Variants in TRAF3IP1 observed in about 807,000 individuals in gnomAD.
TRAF3IP1 encodes intraflagellar transport 54, also known as TRAF3-interacting protein 1.
A neutral mutation model predicts 89.9 loss-of-function variants in TRAF3IP1; 53 were observed. The ratio of observed to expected loss-of-function variants is 0.59; its 90% CI spans 0.47 to 0.74. The LOEUF (loss-of-function observed/expected upper bound fraction) is 0.74, where lower values mean the gene tolerates loss of function less well. TRAF3IP1 is among the 30% of genes least tolerant of loss of function. The pLI is 0.00. For synonymous variants in TRAF3IP1, 311 were observed against 322.1 expected (o/e 0.97, Z 0.37); for missense variants, 806 against 866.1 (o/e 0.93, Z 0.87).
rs1420507039 is a variant in TRAF3IP1 at position 238,328,845 on chromosome 2, C to T, written c.498+16C>T. 3 of 1,602,478 alleles carry T rather than the reference C, an allele frequency of 1.9e-6. No individual in the cohort carries two copies. Among genetic ancestry groups the T allele is most frequent in the African/African-American group, 1.3e-5 (1 of 74,420 alleles). On this transcript the variant is annotated intron_variant, in intron 4 of 16. Transcript: ENST00000373327. ...AAATACAGAGGTGAATTCCAAGTCG[C>T]ACATCTTTGAAAATGAAATAGTGAG...
intron 14 of TRAF3IP1, among the ~76,000 whole-genome samples, chr2:238,355,725 T>C (rs1239283866): frequency 6.6e-6 from 1 of 152,260 alleles, no homozygotes; most frequent in Non-Finnish European, 1.5e-5. Context: ...ACACTCCTTC[T>C]TAATCTTTGA....
At chr2:238,350,068 CA>C (rs938737486) in intron 12 of TRAF3IP1, among the ~76,000 whole-genome samples, 40 of 141,804 alleles carry the variant, frequency 2.8e-4, no homozygotes, top group African/African-American at 5.4e-4. Context: ...GAGACTATCT[CA>C]AAAAAAAAAA....
chr2:238,380,579 G>A (rs1233762965), intron 15 of TRAF3IP1, among the ~76,000 whole-genome samples: 1 of 152,188 alleles, frequency 6.6e-6, no homozygotes, highest in Non-Finnish European at 1.5e-5. Context: ...CGAGCATGTG[G>A]ATGGACTTGG....
intron 9 of TRAF3IP1, 142 bp from the exon 10 acceptor site, chr2:238,347,313 C>T (rs574310456): frequency 2.2e-5 from 18 of 802,720 alleles, no homozygotes; most frequent in East Asian, 1.0e-4. Flanking sequence ...ATTAGAAAAG[C>T]GGCTATGAGG....
chr2:238,355,360 A>G (rs953093411), intron 14 of TRAF3IP1, among the ~76,000 whole-genome samples: 1 of 152,254 alleles, frequency 6.6e-6, no homozygotes, highest in Admixed American at 6.5e-5. Context: ...ATAAATGCAT[A>G]TGCATGTGCA....
chr2:238,376,653 T>C (rs1242066600), intron 15 of TRAF3IP1, among the ~76,000 whole-genome samples: 1 of 152,262 alleles, frequency 6.6e-6, no homozygotes, highest in East Asian at 1.9e-4. Context: ...AGGTTGTTCG[T>C]ATCTTTTGTT....
At chr2:238,333,416 C>T (rs994085984) in intron 6 of TRAF3IP1, among the ~76,000 whole-genome samples, 4 of 152,174 alleles carry the variant, frequency 2.6e-5, no homozygotes, top group East Asian at 3.9e-4. Flanking sequence ...AGCCAACTTT[C>T]GTAATCCAAT....
At chr2:238,357,842 A>T (rs1051424716) in intron 15 of TRAF3IP1, among the ~76,000 whole-genome samples, 1 of 152,224 alleles carries the variant, frequency 6.6e-6, no homozygotes, top group African/African-American at 2.4e-5. Flanking sequence ...TACGCAAAGC[A>T]TATTAGGATT....
intron 10 of TRAF3IP1, among the ~76,000 whole-genome samples, chr2:238,347,924 G>A (rs1698972252): frequency 1.3e-5 from 2 of 152,082 alleles, no homozygotes; most frequent in Admixed American, 6.5e-5. Flanking sequence ...ACTGCGCCTG[G>A]CCAACTACCC....
rs1025163256 is a variant in TRAF3IP1, at chr2:238,400,672, C to T, written c.*1753C>T. On this transcript the variant is annotated 3_prime_UTR_variant, in exon 17 of 17. Transcript: ENST00000373327. ...TCATGTATTTATAATCTCTTTTCTA[C>T]TGAATCAAATGACTTAGCCATGACC... The T allele has an allele frequency of 1.3e-5, 2 of 152,140 alleles. No homozygotes were observed. Among genetic ancestry groups the T allele is most frequent in the Non-Finnish European group, 2.9e-5 (2 of 68,030 alleles). 9.4% of individuals were successfully genotyped at this position (152,140 alleles called of 1,614,324 possible). A position where few individuals can be genotyped will look rare whatever the true frequency, so the allele number is the denominator to read the frequency against.
At chr2:238,352,145 G>T (rs1273109235) in intron 12 of TRAF3IP1, among the ~76,000 whole-genome samples, 1 of 152,060 alleles carries the variant, frequency 6.6e-6, no homozygotes, top group Non-Finnish European at 1.5e-5. Flanking sequence ...CTAGTAGGTG[G>T]CCCTGGAGAG....
chr2:238,334,683 G>A (rs1318654239), intron 7 of TRAF3IP1, among the ~76,000 whole-genome samples: 1 of 152,230 alleles, frequency 6.6e-6, no homozygotes, highest in African/African-American at 2.4e-5. Context: ...AAAGAAGGGT[G>A]GCAAGATGTA....
intron 15 of TRAF3IP1, among the ~76,000 whole-genome samples, chr2:238,358,097 A>G (rs1699500105): frequency 6.7e-6 from 1 of 149,626 alleles, no homozygotes; most frequent in South Asian, 2.1e-4. Context: ...TGGTCTTCTT[A>G]AAACATTTTT....
intron 15 of TRAF3IP1, among the ~76,000 whole-genome samples, chr2:238,375,566 G>A (rs942077680): frequency 2.0e-5 from 3 of 152,108 alleles, no homozygotes; most frequent in Admixed American, 2.0e-4. Flanking sequence ...GGTCAATTTT[G>A]GAATAAGTGC....
At chr2:238,321,996 A>G (rs1035329925) in intron 1 of TRAF3IP1, among the ~76,000 whole-genome samples, 1 of 152,172 alleles carries the variant, frequency 6.6e-6, no homozygotes, top group African/African-American at 2.4e-5. Context: ...AATGCTCTCG[A>G]ATCCACCCAC....
At position 238,397,639 on chromosome 2, in the gene TRAF3IP1, G is replaced by A. The variant is rs761445578; in HGVS notation, c.1870G>A (p.Glu624Lys). 2 of 1,611,684 alleles carry A rather than the reference G, an allele frequency of 1.2e-6. No individual in the cohort carries two copies. Among genetic ancestry groups the A allele is most frequent in the Admixed American group, 1.7e-5 (1 of 59,900 alleles). The change falls in exon 16 of 17, where the codon GAG (glutamate) becomes AAG (lysine). Residue 624 changes from glutamate (E) to lysine (K), a missense_variant. Physicochemically the swap from Glu to Lys is moderately conservative, Grantham distance 56. Transcript: ENST00000373327. ...MQNELQMWHS[E>K]NRQHAEALQQ... ...GAATGAGCTGCAGATGTGGCACAGC[G>A]AGAACAGGCAGCACGCCGAGGCCCT...
intron 15 of TRAF3IP1, 183 bp from the exon 16 acceptor site, chr2:238,397,276 T>G: frequency 1.7e-6 from 1 of 583,020 alleles, no homozygotes; most frequent in Non-Finnish European, 3.1e-6. Context: ...CGTGCAGCAC[T>G]TCAGAGTTAC....
At chr2:238,395,564 G>A (rs1232989595) in intron 15 of TRAF3IP1, among the ~76,000 whole-genome samples, 1 of 152,126 alleles carries the variant, frequency 6.6e-6, no homozygotes, top group Non-Finnish European at 1.5e-5. Flanking sequence ...CTTCTGCACA[G>A]CAAAAGAAAC....
chr2:238,386,364 G>A (rs566039593), intron 15 of TRAF3IP1, among the ~76,000 whole-genome samples: 10 of 151,980 alleles, frequency 6.6e-5, no homozygotes, highest in Admixed American at 1.3e-4. Flanking sequence ...CCAGGCTAGC[G>A]TGCAGTGGTG....
Sources: gnomAD v4.1 joint callset for allele counts (sites outside exome capture counted in the v4.1 genomes callset) on GRCh38, gnomAD v4.1.1 for gene constraint, MANE v1.5 for transcripts, NCBI Gene and HGNC (gene_info 2026-07-23, HGNC 2026-07-21) for gene names.